Variants in ACACB observed in about 807,000 individuals in gnomAD.
The protein encoded by ACACB is acetyl-CoA carboxylase 2.
Under a neutral mutation model 278.8 loss-of-function variants are expected in ACACB, and 209 were observed. The ratio of observed to expected loss-of-function variants is 0.75; its 90% CI spans 0.67 to 0.84. The LOEUF is 0.84. Ranked by LOEUF, ACACB falls within the 40% of genes least tolerant of loss-of-function variation. The pLI, the probability that ACACB is intolerant of heterozygous loss-of-function variation, is 0.00. For synonymous variants in ACACB, 1,174 were observed against 1,285.6 expected (o/e 0.91, Z 1.86); for missense variants, 2,850 against 3,269.0 (o/e 0.87, Z 3.13).
chr12:109,230,656 C>T (rs904552204), intron 28 of ACACB, among the ~76,000 whole-genome samples: 1 of 152,146 alleles, frequency 6.6e-6, no homozygotes, highest in African/African-American at 2.4e-5. Context: ...TCTTGAACTC[C>T]TGGGTTCAAG....
chr12:109,129,854 CT>C (rs2042779235), intron 1 of ACACB, among the ~76,000 whole-genome samples: 1 of 152,320 alleles, frequency 6.6e-6, no homozygotes. Context: ...AATGTGAATC[CT>C]TTCTGTCCAT....
At chr12:109,150,342 G>A (rs2043339232) in intron 2 of ACACB, among the ~76,000 whole-genome samples, 1 of 152,188 alleles carries the variant, frequency 6.6e-6, no homozygotes, top group Non-Finnish European at 1.5e-5. Flanking sequence ...GTTCTTGCCT[G>A]TGCGCATGGT....
intron 15 of ACACB, among the ~76,000 whole-genome samples, chr12:109,192,336 T>C: frequency 6.6e-6 from 1 of 152,274 alleles, no homozygotes; most frequent in South Asian, 2.1e-4. Flanking sequence ...AGGGTCATCA[T>C]GAAATGGACC....
Position 109,222,543 on chromosome 12 carries a change from G to A in ACACB, c.3601G>A (p.Glu1201Lys), listed in dbSNP as rs146250483. 577 of 1,613,996 alleles carry A rather than the reference G, an allele frequency of 3.6e-4. No individual in the cohort carries two copies. The highest frequency in any genetic ancestry group is 4.6e-4 in the Non-Finnish European group (548 of 1,180,026). Residue 1201 changes from glutamate to lysine, a missense_variant, in exon 25 of 53, where the codon GAG (glutamate) becomes AAG (lysine). By Grantham distance (56) the Glu-to-Lys change is moderately conservative (BLOSUM62 1). Transcript: ENST00000338432. The stretch of plus-strand genomic sequence containing the variant: ...TGGCCCAGACCCTTCCCTGTCGGAC[G>A]AGCTGATCTCCATCCTCAACGAGCT... ...LCGPDPSLSD[E>K]LISILNELTQ...
At position 109,206,760 on chromosome 12, in the gene ACACB, C is replaced by G; in HGVS notation, c.2964C>G (p.Leu988=). 1 of 1,614,148 alleles carries G rather than the reference C, an allele frequency of 6.2e-7. No individual in the cohort carries two copies. The highest frequency in any genetic ancestry group is 8.5e-7 in the Non-Finnish European group (1 of 1,180,026). ...ELPAQQTLPI[L]GEKLHQVFHS... Reference sequence around the variant, plus strand: ...CTGCCCAGCAGACACTGCCCATCCTCGGAGAGAAACTGCACCAGGTCTTCC... The same window carrying G: ...CTGCCCAGCAGACACTGCCCATCCTGGGAGAGAAACTGCACCAGGTCTTCC... The change falls in exon 20 of 53, where the codon CTC becomes CTG. Residue 988 remains leucine (L), a synonymous_variant. Coordinates refer to ENST00000338432, the MANE Select transcript of ACACB (RefSeq NM_001093.4).
chr12:109,147,207 T>G (rs754822365), intron 2 of ACACB, among the ~76,000 whole-genome samples: 23 of 152,000 alleles, frequency 1.5e-4, no homozygotes, highest in Non-Finnish European at 2.5e-4. Context: ...AATTATTTCT[T>G]GAGATTATGT....
chr12:109,125,534 A>G (rs1448602438), intron 1 of ACACB: 2 of 152,244 alleles, frequency 1.3e-5, no homozygotes, highest in East Asian at 3.8e-4. Flanking sequence ...GAGACAGGTC[A>G]AGAGACTTTC....
At chr12:109,142,824 C>T (rs2043152547) in intron 2 of ACACB, among the ~76,000 whole-genome samples, 1 of 152,174 alleles carries the variant, frequency 6.6e-6, no homozygotes, top group Non-Finnish European at 1.5e-5. Flanking sequence ...GCCTTGGCCT[C>T]CCAAAGTGCT....
chr12:109,207,300 A>G (rs975312965), intron 20 of ACACB, among the ~76,000 whole-genome samples: 1 of 152,180 alleles, frequency 6.6e-6, no homozygotes, highest in South Asian at 2.1e-4. Context: ...GAATTCCTCA[A>G]TTCAATTGTA....
At chr12:109,114,572 C>G (rs149790042), upstream of ACACB, among the ~76,000 whole-genome samples, 2 of 151,900 alleles carry the variant, frequency 1.3e-5, no homozygotes, top group Admixed American at 1.3e-4. Flanking sequence ...GGGCCAGGTA[C>G]AGTGGCTCAT....
intron 42 of ACACB, 176 bp downstream of exon 42, chr12:109,252,332 AT>A: frequency 4.1e-6 from 2 of 485,728 alleles, no homozygotes; most frequent in Non-Finnish European, 3.6e-6. Context: ...GAAAAAAAAA[AT>A]TAGTTTTAGG....
At chr12:109,250,333 G>A (rs528740947) in intron 41 of ACACB, among the ~76,000 whole-genome samples, 6 of 151,914 alleles carry the variant, frequency 3.9e-5, no homozygotes, top group African/African-American at 9.7e-5. Context: ...CCATAAATAC[G>A]TAAGGGTAGA....
chr12:109,215,842 G>C (rs1565934883), intron 22 of ACACB, among the ~76,000 whole-genome samples: 1 of 152,088 alleles, frequency 6.6e-6, no homozygotes, highest in Non-Finnish European at 1.5e-5. Flanking sequence ...TGTCACCCAG[G>C]CTGGAGTGCA....
Position 109,139,796 on chromosome 12 carries a change from A to G in ACACB, c.391A>G (p.Asn131Asp). Reference sequence around the variant, plus strand: ...ACAAGGTCTGGAGGCCACAGATACCAATGGCCTGTCCTCCTCAGCCAGGCC... The same window carrying G: ...ACAAGGTCTGGAGGCCACAGATACCGATGGCCTGTCCTCCTCAGCCAGGCC... ...GTQGLEATDT[N>D]GLSSSARPQG... Residue 131 changes from asparagine to aspartate, a missense_variant, in exon 2 of 53, where the codon AAT (asparagine) becomes GAT (aspartate). By Grantham distance (23) the Asn-to-Asp change is conservative. This residue lies in a region of ACACB where 2,265 missense variants were observed against 2,561.3 expected (regional missense o/e 0.88). Transcript: ENST00000338432. 6.2e-7 allele frequency: 1 copy of G among 1,614,176 alleles called. No homozygotes were observed. The highest frequency in any genetic ancestry group is 8.5e-7 in the Non-Finnish European group (1 of 1,180,040).
chr12:109,128,838 A>G (rs78310338), intron 1 of ACACB, among the ~76,000 whole-genome samples: 25,973 of 150,472 alleles, frequency 0.17, 2,329 homozygotes, highest in African/African-American at 0.21. Context: ...GGGTCTCGCT[A>G]TGTTACCCAG....
intron 1 of ACACB, among the ~76,000 whole-genome samples, chr12:109,131,103 G>A (rs1319554954): frequency 6.6e-6 from 1 of 152,208 alleles, no homozygotes; most frequent in Non-Finnish European, 1.5e-5. Context: ...CTGGAGGGAG[G>A]TGGTCCTCAA....
At chr12:109,167,298 C>A (rs756377842) in intron 3 of ACACB, 203 of 255,222 alleles carry the variant, frequency 8.0e-4, no homozygotes, top group Non-Finnish European at 1.3e-3. Flanking sequence ...AAATCATTCA[C>A]TGGGCTCGGC....
chr12:109,139,875 T>C lies in ACACB; in HGVS notation c.470T>C (p.Ile157Thr). Residue 157 changes from isoleucine to threonine, a missense_variant, in exon 2 of 53, where the codon ATC becomes ACC. Ile to Thr is a moderately conservative substitution (Grantham distance 89). This residue lies in a region of ACACB where 2,265 missense variants were observed against 2,561.3 expected (regional missense o/e 0.88). Coordinates refer to ENST00000338432, the MANE Select transcript of ACACB (RefSeq NM_001093.4). Reference protein sequence around the residue: ...PSKEDKKQANIKRQLMTNFIL... With the variant: ...PSKEDKKQANTKRQLMTNFIL... ...AAAGAAGACAAGAAGCAGGCAAACA[T>C]CAAGAGGCAGCTGATGACCAACTTC... is the stretch of plus-strand genomic sequence containing the variant. The C allele has an allele frequency of 6.2e-7, 1 of 1,614,092 alleles. No individual in the cohort carries two copies. The highest frequency in any genetic ancestry group is 1.1e-5 in the South Asian group (1 of 91,076).
At position 109,174,204 on chromosome 12, in the gene ACACB, T is replaced by C. The variant is rs1272945595; in HGVS notation, c.1190T>C (p.Val397Ala). 2 of 1,612,824 alleles carry C rather than the reference T, an allele frequency of 1.2e-6. No homozygotes were observed. Residue 397 changes from valine (V) to alanine (A), a missense_variant, in exon 7 of 53, where the codon GTC (valine) becomes GCC (alanine). Coordinates refer to ENST00000338432, the MANE Select transcript of ACACB (RefSeq NM_001093.4). ...ASTVVAQTLQ[V>A]PTLPWSGSGL... ...ACCGTTGTCGCCCAGACGCTACAGG[T>C]CCCAACCCTGCCCTGGAGTGGAAGC...
Sources: allele counts gnomAD v4.1 joint callset (sites outside exome capture counted in the v4.1 genomes callset), GRCh38; gene constraint gnomAD v4.1.1; regional missense constraint gnomAD v4.1.1; transcripts MANE v1.5; gene names NCBI Gene and HGNC (gene_info 2026-07-23, HGNC 2026-07-21).